Variants in PTPRM observed in about 807,000 individuals in gnomAD.
The protein encoded by PTPRM is receptor-type tyrosine-protein phosphatase mu.
A neutral mutation model predicts 186.7 loss-of-function variants in PTPRM; 47 were observed. That is an observed-to-expected ratio of 0.25 (90% CI 0.20 to 0.32). The LOEUF is 0.32. Ranked by LOEUF, PTPRM falls within the 10% of genes least tolerant of loss-of-function variation. PTPRM has a pLI of 1.00. For missense variants in PTPRM, 1,494 were observed against 1,865.0 expected, an observed-to-expected ratio of 0.80 and a Z score of 3.66; for synonymous variants, 668 against 674.9, an observed-to-expected ratio of 0.99 and a Z score of 0.16.
Position 8,206,960 on chromosome 18 carries a change from C to T in PTPRM, c.2301-37098C>T, listed in dbSNP as rs147508635. 9.5e-3 allele frequency among the ~76,000 whole-genome samples: 1,452 copies of T among 152,252 alleles called. 17 individuals carry two copies. The highest frequency in any genetic ancestry group is 0.033 in the African/African-American group (1,371 of 41,526). Reference sequence around the variant, plus strand: ...AGGGGTCCTGCCACAACCCAGGGAACATCTGGGCCACCAGAAGCTGAAAGA... The same window carrying T: ...AGGGGTCCTGCCACAACCCAGGGAATATCTGGGCCACCAGAAGCTGAAAGA... On this transcript the variant is annotated intron_variant, in intron 14 of 32. Transcript: ENST00000580170.
chr18:7,766,677 G>T (rs2042030717), intron 1 of PTPRM, among the ~76,000 whole-genome samples: 1 of 152,180 alleles, frequency 6.6e-6, no homozygotes, highest in Admixed American at 6.5e-5. Flanking sequence ...TGCCCTGAGG[G>T]ACCTGCCAGG....
At chr18:8,034,574 A>G (rs2086204453) in intron 7 of PTPRM, among the ~76,000 whole-genome samples, 1 of 152,318 alleles carries the variant, frequency 6.6e-6, no homozygotes, top group East Asian at 1.9e-4. Flanking sequence ...ACAAGACCCA[A>G]GCTAGTTTGA....
chr18:7,883,972 C>T (rs1285439880), intron 2 of PTPRM, among the ~76,000 whole-genome samples: 1 of 151,500 alleles, frequency 6.6e-6, no homozygotes, highest in Non-Finnish European at 1.5e-5. Context: ...AAGACCCTCT[C>T]TCTACAAAAT....
chr18:7,655,961 T>C (rs2038836274), intron 1 of PTPRM, among the ~76,000 whole-genome samples: 1 of 152,154 alleles, frequency 6.6e-6, no homozygotes, highest in Admixed American at 6.6e-5. Context: ...GCAGAACCCT[T>C]ATGCACAGTT....
chr18:7,986,806 G>A (rs567367638), intron 7 of PTPRM, among the ~76,000 whole-genome samples: 1 of 152,292 alleles, frequency 6.6e-6, no homozygotes, highest in East Asian at 1.9e-4. Flanking sequence ...ATTATAGATT[G>A]TGACTATATT....
intron 4 of PTPRM, among the ~76,000 whole-genome samples, chr18:7,920,312 G>A (rs933315391): frequency 5.3e-5 from 8 of 151,868 alleles, no homozygotes; most frequent in African/African-American, 1.9e-4. Flanking sequence ...CTCTGGTCAC[G>A]TGTTTTAATT....
At chr18:8,392,389 C>A (rs2095818572) in intron 31 of PTPRM, among the ~76,000 whole-genome samples, 1 of 152,054 alleles carries the variant, frequency 6.6e-6, no homozygotes, top group African/African-American at 2.4e-5. Flanking sequence ...CTTTGGGAGG[C>A]CGGGGCGGGC....
At chr18:8,220,653 C>T (rs969346341) in intron 14 of PTPRM, among the ~76,000 whole-genome samples, 1 of 152,108 alleles carries the variant, frequency 6.6e-6, no homozygotes, top group Non-Finnish European at 1.5e-5. Flanking sequence ...GAATAAGACT[C>T]CTTTGAGAAA....
chr18:8,048,900 G>C (rs183217303), intron 7 of PTPRM, among the ~76,000 whole-genome samples: 2 of 152,266 alleles, frequency 1.3e-5, no homozygotes, highest in East Asian at 1.9e-4. Context: ...AGAGTGAATG[G>C]TTTGGGTTCT....
chr18:7,651,907 C>A (rs2144285159), intron 1 of PTPRM, among the ~76,000 whole-genome samples: 1 of 150,856 alleles, frequency 6.6e-6, no homozygotes, highest in African/African-American at 2.4e-5. Flanking sequence ...CAAATGGGAT[C>A]TAATTAAACT....
intron 7 of PTPRM, among the ~76,000 whole-genome samples, chr18:8,017,060 C>A (rs143929237): frequency 1.2e-4 from 19 of 152,212 alleles, no homozygotes; most frequent in Admixed American, 5.2e-4. Flanking sequence ...AAATTACATA[C>A]GAGTGGGGTA....
chr18:7,895,187 G>T (rs2049289928), intron 3 of PTPRM, among the ~76,000 whole-genome samples: 1 of 152,080 alleles, frequency 6.6e-6, no homozygotes, highest in African/African-American at 2.4e-5. Context: ...ATTACAGCGG[G>T]GTGGGGGGTA....
chr18:8,216,067 T>G (rs1049463995), intron 14 of PTPRM, among the ~76,000 whole-genome samples: 1 of 152,214 alleles, frequency 6.6e-6, no homozygotes, highest in African/African-American at 2.4e-5. Context: ...GTCTTCCTCC[T>G]TTCCCTTCAT....
intron 1 of PTPRM, among the ~76,000 whole-genome samples, chr18:7,633,281 T>G (rs771439835): frequency 1.3e-5 from 2 of 152,202 alleles, no homozygotes; most frequent in African/African-American, 2.4e-5. Flanking sequence ...TTGCAACCAT[T>G]CCTTGATGAA....
chr18:7,736,608 A>G (rs892115890), intron 1 of PTPRM, among the ~76,000 whole-genome samples: 16 of 152,230 alleles, frequency 1.1e-4, no homozygotes, highest in African/African-American at 3.9e-4. Flanking sequence ...TCACAACACT[A>G]AAGATTTCAC....
At chr18:8,283,711 G>A (rs946220597) in intron 19 of PTPRM, among the ~76,000 whole-genome samples, 1 of 152,126 alleles carries the variant, frequency 6.6e-6, no homozygotes, top group Non-Finnish European at 1.5e-5. Flanking sequence ...GCCTCAACCT[G>A]AAGAGATCCT....
intron 1 of PTPRM, among the ~76,000 whole-genome samples, chr18:7,684,195 G>A (rs1204524248): frequency 1.3e-5 from 2 of 152,012 alleles, no homozygotes; most frequent in African/African-American, 2.4e-5. Flanking sequence ...AGCTATTCGG[G>A]AGACTGAGGC....
chr18:7,739,749 G>C (rs554578411), intron 1 of PTPRM, among the ~76,000 whole-genome samples: 1 of 152,322 alleles, frequency 6.6e-6, no homozygotes, highest in East Asian at 1.9e-4. Flanking sequence ...CTTTGCTTCT[G>C]CGGCTCTTGC....
At chr18:8,212,414 T>C (rs192487040) in intron 14 of PTPRM, among the ~76,000 whole-genome samples, 1 of 58,566 alleles carries the variant, frequency 1.7e-5, no homozygotes, top group Admixed American at 1.9e-4. Flanking sequence ...AATTATAAAT[T>C]TAATGCTCCT....
Sources: gnomAD v4.1 joint callset for allele counts (sites outside exome capture counted in the v4.1 genomes callset) on GRCh38, gnomAD v4.1.1 for gene constraint, MANE v1.5 for transcripts, NCBI Gene and HGNC (gene_info 2026-07-23, HGNC 2026-07-21) for gene names.